RALGAPA2: variants seen among roughly 807,000 people sequenced by gnomAD.
RALGAPA2 encodes Ral GTPase activating protein catalytic subunit alpha 2.
A neutral mutation model predicts 230.4 loss-of-function variants in RALGAPA2; 139 were observed. The observed-to-expected ratio is 0.60, with a 90% CI of 0.53 to 0.69. RALGAPA2 has a LOEUF of 0.69. RALGAPA2 is among the 30% of genes least tolerant of loss of function. RALGAPA2 has a pLI of 0.00. For missense variants in RALGAPA2, 2,163 were observed against 2,276.0 expected (o/e 0.95, Z 1.01); for synonymous variants, 847 against 837.8 (o/e 1.01, Z -0.19).
chr20:20,683,867 T>G (rs1304015942), intron 1 of RALGAPA2, among the ~76,000 whole-genome samples: 1 of 152,160 alleles, frequency 6.6e-6, no homozygotes, highest in East Asian at 1.9e-4. Flanking sequence ...TCTGACAGGA[T>G]TAATGACTAC....
chr20:20,554,402 C>T (rs562637295), intron 23 of RALGAPA2, among the ~76,000 whole-genome samples: 3 of 152,132 alleles, frequency 2.0e-5, no homozygotes, highest in East Asian at 1.9e-4. Flanking sequence ...ATGTTTTGTT[C>T]GTCTTTTCAT....
chr20:20,660,606 T>C (rs1334227434), intron 3 of RALGAPA2, among the ~76,000 whole-genome samples: 2 of 152,286 alleles, frequency 1.3e-5, no homozygotes, highest in Non-Finnish European at 2.9e-5. Context: ...TTATAGTACC[T>C]GGCATCTAAC....
chr20:20,580,241 T>C (rs892225328), intron 20 of RALGAPA2, among the ~76,000 whole-genome samples: 3 of 152,190 alleles, frequency 2.0e-5, no homozygotes, highest in East Asian at 1.9e-4. Context: ...TTATTTTCTG[T>C]CTTCTCAATG....
At chr20:20,526,389 C>A in intron 27 of RALGAPA2, 27 bp from the exon 28 acceptor site, 1 of 1,445,838 alleles carries the variant, frequency 6.9e-7, no homozygotes. Flanking sequence ...AATCCCAAAG[C>A]AGACACATAA....
intron 33 of RALGAPA2, 59 bp downstream of exon 33, chr20:20,511,195 T>C: frequency 2.6e-6 from 4 of 1,539,362 alleles, no homozygotes; most frequent in Non-Finnish European, 3.5e-6. Flanking sequence ...GTTGTATCTG[T>C]TATCCAAGAA....
At chr20:20,636,098 T>A (rs2066848322) in intron 8 of RALGAPA2, among the ~76,000 whole-genome samples, 3 of 152,164 alleles carry the variant, frequency 2.0e-5, no homozygotes, top group Admixed American at 2.0e-4. Context: ...ATGAATCCAA[T>A]GAAACAGAAT....
chr20:20,571,798 C>T, intron 22 of RALGAPA2, 50 bp downstream of exon 22: 1 of 1,527,088 alleles, frequency 6.5e-7, no homozygotes, highest in Non-Finnish European at 9.0e-7. Context: ...AACTCAATTT[C>T]AGAAAGGAAG....
chr20:20,531,428 G>A (rs904573789), intron 27 of RALGAPA2, among the ~76,000 whole-genome samples: 1 of 152,176 alleles, frequency 6.6e-6, no homozygotes, highest in South Asian at 2.1e-4. Flanking sequence ...TGACCTCTTT[G>A]CGACAGGAGC....
At chr20:20,520,583 T>TA (rs2063008159) in intron 31 of RALGAPA2, among the ~76,000 whole-genome samples, 1 of 152,210 alleles carries the variant, frequency 6.6e-6, no homozygotes, top group South Asian at 2.1e-4. Context: ...CTCATGGTGC[T>TA]ACCAGTCCAC....
At chr20:20,680,467 G>C (rs1215211442) in intron 2 of RALGAPA2, among the ~76,000 whole-genome samples, 1 of 151,734 alleles carries the variant, frequency 6.6e-6, no homozygotes, top group Non-Finnish European at 1.5e-5. Context: ...GCTTTCTAAG[G>C]GTTCCTTCTG....
At chr20:20,467,937 T>C (rs968535913) in intron 37 of RALGAPA2, among the ~76,000 whole-genome samples, 6 of 152,210 alleles carry the variant, frequency 3.9e-5, no homozygotes, top group African/African-American at 1.2e-4. Context: ...CAGGGGAATA[T>C]GCTATTTCTT....
intron 23 of RALGAPA2, among the ~76,000 whole-genome samples, chr20:20,570,304 A>T (rs962635831): frequency 1.3e-5 from 2 of 152,180 alleles, no homozygotes; most frequent in Non-Finnish European, 2.9e-5. Context: ...CATACTGCAA[A>T]CTATTTAAAT....
intron 36 of RALGAPA2, among the ~76,000 whole-genome samples, chr20:20,491,267 G>A (rs898089669): frequency 6.6e-6 from 1 of 152,112 alleles, no homozygotes; most frequent in Admixed American, 6.5e-5. Context: ...GTATGTACCA[G>A]GGCTGAGTAA....
intron 34 of RALGAPA2, chr20:20,505,184 G>C: frequency 1.0e-6 from 1 of 983,508 alleles, no homozygotes; most frequent in African/African-American, 1.7e-5. Flanking sequence ...CTGATAAAAA[G>C]CAAATGAAAA....
chr20:20,635,360 G>A (rs1426058779), intron 9 of RALGAPA2, 58 bp downstream of exon 9: 8 of 1,484,824 alleles, frequency 5.4e-6, no homozygotes, highest in African/African-American at 1.4e-5. Context: ...CTTTGGCTAT[G>A]TTCCAGTGTA....
intron 1 of RALGAPA2, among the ~76,000 whole-genome samples, chr20:20,686,626 T>C (rs1251319207): frequency 6.6e-6 from 1 of 152,114 alleles, no homozygotes; most frequent in Non-Finnish European, 1.5e-5. Flanking sequence ...TTATAAGAGC[T>C]TCAGTCAGCA....
At chr20:20,402,997 A>T (rs2059878665) in intron 38 of RALGAPA2, among the ~76,000 whole-genome samples, 1 of 151,866 alleles carries the variant, frequency 6.6e-6, no homozygotes, top group Non-Finnish European at 1.5e-5. Flanking sequence ...AGGCCCTTCC[A>T]CCTGCTCTTT....
chr20:20,438,299 C>T (rs2060659097), intron 37 of RALGAPA2, among the ~76,000 whole-genome samples: 1 of 152,212 alleles, frequency 6.6e-6, no homozygotes, highest in Non-Finnish European at 1.5e-5. Flanking sequence ...GGACCTACTA[C>T]TAGAGCTTGG....
chr20:20,526,487 A>G (rs2063207845), intron 27 of RALGAPA2, 125 bp from the exon 28 acceptor site: 1 of 615,680 alleles, frequency 1.6e-6, no homozygotes, highest in South Asian at 2.4e-5. Flanking sequence ...CCTCAAATTG[A>G]TGAAAAATAT....
Sources: allele counts gnomAD v4.1 joint callset (sites outside exome capture counted in the v4.1 genomes callset), GRCh38; gene constraint gnomAD v4.1.1; transcripts MANE v1.5; gene names NCBI Gene and HGNC (gene_info 2026-07-23, HGNC 2026-07-21).